Variants in SF3B3 observed in about 807,000 individuals in gnomAD.
SF3B3 encodes SAP 130.
SF3B3 carries 33 observed loss-of-function variants against 139.2 expected under a neutral mutation model. That is an observed-to-expected ratio of 0.24 (90% confidence interval 0.18 to 0.32). SF3B3 has a LOEUF of 0.32. SF3B3 is among the 10% of genes least tolerant of loss of function. The pLI is 1.00. For missense variants in SF3B3, 818 were observed against 1,509.4 expected (o/e 0.54, Z 7.59); for synonymous variants, 596 against 563.6 (o/e 1.06, Z -0.81).
chr16:70,541,794 T>G lies in SF3B3; in HGVS notation c.1193T>G (p.Val398Gly). 6.2e-7 allele frequency: 1 copy of G among 1,614,172 alleles called. No homozygotes were observed. Among genetic ancestry groups the G allele is most frequent in the Non-Finnish European group, 8.5e-7 (1 of 1,180,002 alleles). The part of the protein sequence containing the change: ...QPRPLKNLVL[V>G]DELDSLSPIL... ...AGACCACTTAAAAACCTTGTGCTGG[T>G]TGATGAGTTGGACAGCCTCTCTCCC... Residue 398 changes from valine to glycine, a missense_variant, in exon 9 of 26, where the codon GTT becomes GGT. Val to Gly is a moderately radical substitution (Grantham distance 109, BLOSUM62 -3). Coordinates refer to ENST00000302516, the MANE Select transcript of SF3B3 (RefSeq NM_012426.5).
intron 13 of SF3B3, 103 bp from the exon 14 acceptor site, chr16:70,556,076 A>G (rs1202999379): frequency 8.5e-7 from 1 of 1,173,256 alleles, no homozygotes; most frequent in Non-Finnish European, 1.2e-6. Flanking sequence ...AACAAAATAC[A>G]ACAGCCCTCC....
At chr16:70,565,331 A>G in intron 19 of SF3B3, 37 bp from the exon 20 acceptor site, 1 of 1,613,666 alleles carries the variant, frequency 6.2e-7, no homozygotes, top group Non-Finnish European at 8.5e-7. Context: ...CTGAGTTTTG[A>G]CTAAGGCCTT....
At position 70,564,071 on chromosome 16, in the gene SF3B3, G is replaced by A; in HGVS notation, c.2463+21G>A. 4.4e-6 allele frequency: 7 copies of A among 1,608,654 alleles called. No individual in the cohort carries two copies. The Middle Eastern group carries it at 8.3e-4, about 191-fold the overall frequency. ...CAGAGGTAATGAGACTAACGTTCAG[G>A]GGTTCTATTAAAAGATGTGTGAAAT... On this transcript the variant is annotated intron_variant, in intron 18 of 25. Transcript: ENST00000302516.
chr16:70,555,477 CAAAAAAAAAAAA>C (rs33955800), intron 13 of SF3B3, among the ~76,000 whole-genome samples: 2 of 73,114 alleles, frequency 2.7e-5, no homozygotes, highest in African/African-American at 5.5e-5. Context: ...GACTCCGTCT[CAAAAAAAAAAAA>C]AAAAAAAAAA....
chr16:70,565,045 A>C lies in SF3B3; in HGVS notation c.2464-20A>C. On this transcript the variant is annotated intron_variant, in intron 18 of 25. Transcript: ENST00000302516. Reference sequence around the variant, plus strand: ...TACCTCTGAGCACGCCAACTCAGTTACTCGTTTTTTTGGGTTTAGGAAATG... The same window carrying C: ...TACCTCTGAGCACGCCAACTCAGTTCCTCGTTTTTTTGGGTTTAGGAAATG... The C allele has an allele frequency of 6.2e-7, 1 of 1,611,642 alleles. No homozygotes were observed. Among genetic ancestry groups the C allele is most frequent in the Non-Finnish European group, 8.5e-7 (1 of 1,179,172 alleles).
At chr16:70,559,880 A>G (rs1438157985) in intron 15 of SF3B3, among the ~76,000 whole-genome samples, 1 of 151,322 alleles carries the variant, frequency 6.6e-6, no homozygotes, top group Non-Finnish European at 1.5e-5. Flanking sequence ...GTGATTACAG[A>G]TGTGAGCCAC....
At chr16:70,561,549 G>T in intron 16 of SF3B3, 81 bp from the exon 17 acceptor site, 1 of 1,210,730 alleles carries the variant, frequency 8.3e-7, no homozygotes, top group Non-Finnish European at 1.2e-6. Context: ...GAAATTTGGG[G>T]ATAGGGCTTT....
At chr16:70,562,620 C>T (rs1597722073) in intron 17 of SF3B3, among the ~76,000 whole-genome samples, 1 of 152,092 alleles carries the variant, frequency 6.6e-6, no homozygotes, top group Non-Finnish European at 1.5e-5. Context: ...TGTCAGTGTT[C>T]CCCTTGTCTT....
chr16:70,568,869 C>T (rs971852375), intron 22 of SF3B3, among the ~76,000 whole-genome samples, 174 bp from the exon 23 acceptor site: 2 of 152,228 alleles, frequency 1.3e-5, no homozygotes, highest in Admixed American at 6.5e-5. Flanking sequence ...GAGTTTCTTG[C>T]TCCTCAGACA....
chr16:70,529,681 G>A, intron 3 of SF3B3: 1 of 154,524 alleles, frequency 6.5e-6, no homozygotes, highest in Non-Finnish European at 1.4e-5. Context: ...CTTAAATGTA[G>A]GACTCATTAA....
Position 70,561,789 on chromosome 16 carries a change from G to T in SF3B3, c.2288+5G>T. On this transcript the variant is annotated splice_donor_5th_base_variant and intron_variant, in intron 17 of 25. Transcript: ENST00000302516. Reference sequence around the variant, plus strand: ...CATCTCCACCAACACCCTACGGTGAGTGAGTCTCATGTTTGAAGCTCAGCA... The same window carrying T: ...CATCTCCACCAACACCCTACGGTGATTGAGTCTCATGTTTGAAGCTCAGCA... 2 of 1,613,102 alleles carry T rather than the reference G, an allele frequency of 1.2e-6. No homozygotes were observed. Among genetic ancestry groups the T allele is most frequent in the Non-Finnish European group, 1.7e-6 (2 of 1,179,228 alleles).
intron 3 of SF3B3, among the ~76,000 whole-genome samples, chr16:70,530,528 A>C (rs1454281337): frequency 6.6e-6 from 1 of 151,766 alleles, no homozygotes; most frequent in East Asian, 1.9e-4. Context: ...TGTGTTAGTC[A>C]GGCTGGTCTT....
chr16:70,568,584 T>A, intron 22 of SF3B3, 89 bp downstream of exon 22: 1 of 1,026,592 alleles, frequency 9.7e-7, no homozygotes. Flanking sequence ...GAATCAAATC[T>A]GAGAAGTAAA....
chr16:70,557,174 T>C, intron 15 of SF3B3, 145 bp downstream of exon 15: 1 of 788,250 alleles, frequency 1.3e-6, no homozygotes, highest in Non-Finnish European at 1.9e-6. Context: ...TGGGTTCCAC[T>C]TTTCTCAGCT....
intron 20 of SF3B3, among the ~76,000 whole-genome samples, chr16:70,567,121 G>T (rs116295060): frequency 5.5e-4 from 84 of 151,944 alleles, no homozygotes; most frequent in African/African-American, 2.0e-3. Flanking sequence ...CAGTCACTTG[G>T]CTACTAAGGC....
intron 7 of SF3B3, 134 bp downstream of exon 7, chr16:70,538,594 T>G: frequency 1.5e-6 from 1 of 684,658 alleles, no homozygotes; most frequent in Non-Finnish European, 2.4e-6. Flanking sequence ...AGTATAGATT[T>G]TCTCTCTGGT....
intron 11 of SF3B3, chr16:70,550,764 A>T (rs1184564359): frequency 1.6e-6 from 1 of 627,002 alleles, no homozygotes; most frequent in Non-Finnish European, 2.0e-6. Context: ...GGCTGCCCTG[A>T]TGGTGTCTTT....
chr16:70,536,807 CT>C lies in SF3B3; in HGVS notation c.825+1408del, dbSNP rs34747226. On this transcript the variant is annotated intron_variant, in intron 6 of 25. Transcript: ENST00000302516. ...CTGCCAGTCTGGGCTAATTTTCTTT[CT>C]TTTTTTTTTTTTTTTTTTTTAAGAT... 9.7e-3 allele frequency among the ~76,000 whole-genome samples: 1,186 copies of C among 122,624 alleles called. 19 individuals carry two copies. The highest frequency in any genetic ancestry group is 0.028 in the African/African-American group (951 of 33,752). The allele number at this position is 122,624 out of a possible 152,430, so 80.4% of individuals were successfully genotyped here. A position where few individuals can be genotyped will look rare whatever the true frequency, so the allele number is the denominator to read the frequency against.
chr16:70,536,313 A>G (rs533941573), intron 6 of SF3B3, among the ~76,000 whole-genome samples: 1 of 152,040 alleles, frequency 6.6e-6, no homozygotes, highest in South Asian at 2.1e-4. Flanking sequence ...GATTACAGGC[A>G]TGCACTGCCA....
Sources: allele counts gnomAD v4.1 joint callset (sites outside exome capture counted in the v4.1 genomes callset), GRCh38; gene constraint gnomAD v4.1.1; transcripts MANE v1.5; gene names NCBI Gene and HGNC (gene_info 2026-07-23, HGNC 2026-07-21).